The following RBM46 variants were observed in gnomAD, a reference collection of about 807,000 sequenced individuals.
The protein encoded by RBM46 is probable RNA-binding protein 46.
In RBM46, 12 loss-of-function variants were observed where a neutral mutation model predicts 43.3. The observed-to-expected ratio is 0.28, with a 90% CI of 0.18 to 0.45. RBM46 has a LOEUF of 0.45. Ranked by LOEUF, RBM46 falls within the 20% of genes least tolerant of loss-of-function variation. RBM46 has a pLI of 1.00. For missense variants in RBM46, 412 were observed against 639.1 expected (o/e 0.64, Z 3.83); for synonymous variants, 205 against 207.6 (o/e 0.99, Z 0.11).
At chr4:154,793,773 T>A (rs1734213874) in intron 1 of RBM46, among the ~76,000 whole-genome samples, 1 of 152,254 alleles carries the variant, frequency 6.6e-6, no homozygotes, top group Admixed American at 6.5e-5. Flanking sequence ...TGTATTAGTT[T>A]GCTGGAGTTT....
chr4:154,804,387 G>A (rs1413118944), intron 4 of RBM46, among the ~76,000 whole-genome samples: 3 of 152,016 alleles, frequency 2.0e-5, no homozygotes, highest in Non-Finnish European at 4.4e-5. Context: ...CTATCAAGGC[G>A]AATAGTACTT....
At chr4:154,795,310 G>C (rs1161137819) in intron 1 of RBM46, among the ~76,000 whole-genome samples, 1 of 152,134 alleles carries the variant, frequency 6.6e-6, no homozygotes, top group African/African-American at 2.4e-5. Context: ...AGATTTTTTA[G>C]CCAGTCTTGA....
chr4:154,811,151 A>G (rs1322755414), intron 4 of RBM46, among the ~76,000 whole-genome samples: 1 of 152,218 alleles, frequency 6.6e-6, no homozygotes, highest in Non-Finnish European at 1.5e-5. Context: ...ATGAGAACAT[A>G]CAATTGGATG....
intron 1 of RBM46, among the ~76,000 whole-genome samples, chr4:154,796,371 G>A (rs1010250537): frequency 6.6e-6 from 1 of 152,122 alleles, no homozygotes; most frequent in African/African-American, 2.4e-5. Flanking sequence ...TTAAATTTTG[G>A]GCTATGTAGA....
chr4:154,814,822 A>T (rs1735348246), intron 4 of RBM46, among the ~76,000 whole-genome samples: 1 of 151,386 alleles, frequency 6.6e-6, no homozygotes, highest in African/African-American at 2.4e-5. Flanking sequence ...TATCACTGGC[A>T]GGTTTTTATC....
intron 1 of RBM46, chr4:154,787,249 T>A (rs1733823748): frequency 6.6e-6 from 1 of 152,066 alleles, no homozygotes; most frequent in African/African-American, 2.4e-5. Flanking sequence ...TGTGCAGGTT[T>A]GTTACATATG....
intron 4 of RBM46, among the ~76,000 whole-genome samples, chr4:154,802,340 A>T (rs1560901340): frequency 6.6e-6 from 1 of 152,228 alleles, no homozygotes; most frequent in Non-Finnish European, 1.5e-5. Context: ...AGAGGTCATT[A>T]AAGTAGGGCC....
chr4:154,786,903 G>A (rs1733801658), intron 1 of RBM46, among the ~76,000 whole-genome samples: 1 of 152,194 alleles, frequency 6.6e-6, no homozygotes, highest in Admixed American at 6.5e-5. Context: ...CTCCAGCCTG[G>A]GTGACAGAGC....
At chr4:154,799,945 G>A (rs909526809) in intron 4 of RBM46, among the ~76,000 whole-genome samples, 1 of 151,750 alleles carries the variant, frequency 6.6e-6, no homozygotes, top group Non-Finnish European at 1.5e-5. Flanking sequence ...CTAATTTTTT[G>A]TATTTTTAGT....
intron 4 of RBM46, among the ~76,000 whole-genome samples, chr4:154,825,716 T>C (rs1735925372): frequency 6.6e-6 from 1 of 152,214 alleles, no homozygotes; most frequent in Non-Finnish European, 1.5e-5. Context: ...CTAAGCATTA[T>C]GCTAGTAGCC....
intron 4 of RBM46, among the ~76,000 whole-genome samples, chr4:154,812,234 A>G (rs894859781): frequency 1.3e-5 from 2 of 152,104 alleles, no homozygotes; most frequent in African/African-American, 4.8e-5. Context: ...TTAAAATACA[A>G]TGAGATGGGC....
At chr4:154,827,768 A>G (rs1480954543) in intron 4 of RBM46, 100 bp from the exon 5 acceptor site, 7 of 1,568,240 alleles carry the variant, frequency 4.5e-6, no homozygotes, top group East Asian at 2.2e-5. Context: ...GTGTTAGAAC[A>G]TTATGTTAAA....
chr4:154,822,555 T>C (rs1735766203), intron 4 of RBM46, among the ~76,000 whole-genome samples: 1 of 151,516 alleles, frequency 6.6e-6, no homozygotes, highest in Non-Finnish European at 1.5e-5. Flanking sequence ...TAGGAATGTA[T>C]AGTAGTATAG....
At chr4:154,809,544 G>A (rs1284625015) in intron 4 of RBM46, among the ~76,000 whole-genome samples, 1 of 152,050 alleles carries the variant, frequency 6.6e-6, no homozygotes, top group Non-Finnish European at 1.5e-5. Context: ...TAGCTTACTT[G>A]TTTATCCTAG....
rs577790186 is a variant in RBM46 at position 154,794,509 on chromosome 4, GC to G, written c.-11-2232del. 1.6e-4 allele frequency among the ~76,000 whole-genome samples: 24 copies of G among 152,132 alleles called. No individual in the cohort carries two copies. The East Asian group carries it at 3.7e-3, about 23-fold the overall frequency. On this transcript the variant is annotated intron_variant, in intron 1 of 4. Transcript: ENST00000281722. ...TTTGCCCTTCTACTGACTTCCCCAT[GC>G]AACAGCCAGATGATCCTTTTAAAAT...
chr4:154,825,957 C>T (rs1263804946), intron 4 of RBM46, among the ~76,000 whole-genome samples: 1 of 152,088 alleles, frequency 6.6e-6, no homozygotes, highest in Non-Finnish European at 1.5e-5. Context: ...TTGATGACCA[C>T]ATTGTTAAAA....
intron 4 of RBM46, among the ~76,000 whole-genome samples, chr4:154,817,715 C>A (rs776526229): frequency 6.6e-6 from 1 of 152,014 alleles, no homozygotes. Context: ...CTTCTTGAAT[C>A]TTCAGTATTA....
At chr4:154,806,398 T>C (rs553762011) in intron 4 of RBM46, among the ~76,000 whole-genome samples, 95 of 151,978 alleles carry the variant, frequency 6.3e-4, no homozygotes, top group Non-Finnish European at 1.2e-3. Context: ...ATCTAAAATA[T>C]CAGGATTTTA....
intron 4 of RBM46, among the ~76,000 whole-genome samples, chr4:154,816,354 T>C (rs1735443116): frequency 6.6e-6 from 1 of 152,096 alleles, no homozygotes; most frequent in South Asian, 2.1e-4. Context: ...TAGTATTGGG[T>C]CTTCTGATCC....
Sources: allele counts gnomAD v4.1 joint callset (sites outside exome capture counted in the v4.1 genomes callset), GRCh38; gene constraint gnomAD v4.1.1; transcripts MANE v1.5; gene names NCBI Gene and HGNC (gene_info 2026-07-23, HGNC 2026-07-21).